Variants in RPS20 observed in about 807,000 individuals in gnomAD.
The protein encoded by RPS20 is ribosomal protein S20, also known as small ribosomal subunit protein uS10.
In RPS20, 3 loss-of-function variants were observed where a neutral mutation model predicts 15.3. That is an observed-to-expected ratio of 0.20 (90% confidence interval 0.09 to 0.51). RPS20 has a LOEUF of 0.51. Among genes scored for constraint, RPS20 ranks in the 20% least tolerant of loss-of-function variants. The pLI, the probability that RPS20 is intolerant of heterozygous loss-of-function variation, is 0.96. For missense variants in RPS20, 67 were observed against 145.9 expected, an observed-to-expected ratio of 0.46 and a Z score of 2.79; for synonymous variants, 62 against 47.8, an observed-to-expected ratio of 1.30 and a Z score of -1.23.
downstream of RPS20, among the ~76,000 whole-genome samples, chr8:56,070,008 G>A (rs1233466718): frequency 6.6e-6 from 1 of 152,164 alleles, no homozygotes; most frequent in Non-Finnish European, 1.5e-5. Flanking sequence ...TAGATTATAT[G>A]CAAATACTAT....
Position 56,074,454 on chromosome 8 carries a change from G to A in RPS20, c.-71C>T. 1 of 1,519,348 alleles carries A rather than the reference G, an allele frequency of 6.6e-7. No homozygotes were observed. Among genetic ancestry groups the A allele is most frequent in the Non-Finnish European group, 8.8e-7 (1 of 1,135,014 alleles). 94.1% of individuals were successfully genotyped at this position (1,519,348 alleles called of 1,614,324 possible). A position where few individuals can be genotyped will look rare whatever the true frequency, so the allele number is the denominator to read the frequency against. ...GCGAACAGCGGTGAGTCAGGAGCAGGAGCGTGCGGACCAAAAATCCTCAGC... is the reference window on the plus strand; with the variant it reads ...GCGAACAGCGGTGAGTCAGGAGCAGAAGCGTGCGGACCAAAAATCCTCAGC... On this transcript the variant is annotated 5_prime_UTR_variant, in exon 1 of 4. Coordinates refer to ENST00000009589, the MANE Select transcript of RPS20 (RefSeq NM_001023.4).
chr8:56,070,103 A>G (rs947427960), downstream of RPS20, among the ~76,000 whole-genome samples: 1 of 152,202 alleles, frequency 6.6e-6, no homozygotes, highest in South Asian at 2.1e-4. Flanking sequence ...TACTTAGGAA[A>G]CACTGTAATT....
At chr8:56,073,408 G>T in intron 3 of RPS20, 136 bp from the exon 4 acceptor site, 1 of 694,424 alleles carries the variant, frequency 1.4e-6, no homozygotes, top group Non-Finnish European at 2.4e-6. Context: ...AGATTTTCAG[G>T]TACCATGGGT....
rs1316438504 is a variant in RPS20, at chr8:56,073,709, G to C, written c.163C>G (p.Arg55Gly). 1 of 1,613,832 alleles carries C rather than the reference G, an allele frequency of 6.2e-7. No homozygotes were observed. The highest frequency in any genetic ancestry group is 1.3e-5 in the African/African-American group (1 of 75,028). ...EKNLKVKGPV[R>G]MPTKTLRITT... ...ATTTACTTTACCTTGGTAGGCATTC[G>C]AACTGGTCCTTTCACTTTGAGATTC... The change falls in exon 3 of 4, where the codon CGA (arginine) becomes GGA (glycine). Residue 55 changes from arginine to glycine, a missense_variant. Arg to Gly is a moderately radical substitution (Grantham distance 125, BLOSUM62 -2). Coordinates refer to ENST00000009589, the MANE Select transcript of RPS20 (RefSeq NM_001023.4).
At position 56,074,290 on chromosome 8, in the gene RPS20, G is replaced by A. The variant is rs762622840; in HGVS notation, c.3+91C>T. On this transcript the variant is annotated intron_variant, in intron 1 of 3. Transcript: ENST00000009589. ...CGCCTTTCCGCCCCTACACGCCCCGGCATCTGCCCTCAGGAGCACGAACTC... is the reference window on the plus strand; with the variant it reads ...CGCCTTTCCGCCCCTACACGCCCCGACATCTGCCCTCAGGAGCACGAACTC... 6 of 1,534,696 alleles carry A rather than the reference G, an allele frequency of 3.9e-6. No homozygotes were observed. In the East Asian group the frequency reaches 1.2e-4, roughly 30 times the overall value.
In RPS20 at chr8:56,074,477, A is replaced by C; in HGVS notation, c.-94T>G. ...AGGAGCGTGCGGACCAAAAATCCTC[A>C]GCCCTTACGACCGCGTCTTCCTCAA... On this transcript the variant is annotated 5_prime_UTR_variant, in exon 1 of 4. Coordinates refer to ENST00000009589, the MANE Select transcript of RPS20 (RefSeq NM_001023.4). 2.2e-6 allele frequency: 3 copies of C among 1,389,506 alleles called. No individual in the cohort carries two copies. Among genetic ancestry groups the C allele is most frequent in the Non-Finnish European group, 2.9e-6 (3 of 1,022,464 alleles). 86.1% of individuals were successfully genotyped at this position (1,389,506 alleles called of 1,614,324 possible).
chr8:56,073,884 G>A (rs1484725498), intron 2 of RPS20, 116 bp from the exon 3 acceptor site: 2 of 1,117,800 alleles, frequency 1.8e-6, no homozygotes, highest in Admixed American at 1.7e-5. Flanking sequence ...CAACACAATA[G>A]GTACCTCCTC....
downstream of RPS20, among the ~76,000 whole-genome samples, chr8:56,071,291 CAT>C (rs750944972): frequency 1.3e-4 from 20 of 152,310 alleles, no homozygotes; most frequent in East Asian, 3.9e-4. Context: ...GTTCTCAAGA[CAT>C]GTGTGCTCTA....
In RPS20 at chr8:56,074,490, G is replaced by C; in HGVS notation, c.-107C>G. ...CCAAAAATCCTCAGCCCTTACGACCGCGTCTTCCTCAAAAAGAAAGGGGTG... is the reference window on the plus strand; with the variant it reads ...CCAAAAATCCTCAGCCCTTACGACCCCGTCTTCCTCAAAAAGAAAGGGGTG... On this transcript the variant is annotated 5_prime_UTR_variant, in exon 1 of 4. Coordinates refer to ENST00000009589, the MANE Select transcript of RPS20 (RefSeq NM_001023.4). The C allele has an allele frequency of 3.2e-6, 4 of 1,260,698 alleles. No homozygotes were observed. Among genetic ancestry groups the C allele is most frequent in the African/African-American group, 1.5e-5 (1 of 66,566 alleles). 78.1% of individuals were successfully genotyped at this position (1,260,698 alleles called of 1,614,324 possible).
At chr8:56,072,999 G>A (rs79584175), downstream of RPS20, 224 of 1,514,084 alleles carry the variant, frequency 1.5e-4, 1 homozygote, top group East Asian at 4.3e-3. Context: ...AAGTCTCATA[G>A]TACACCTTTA....
intron 2 of RPS20, 73 bp from the exon 3 acceptor site, chr8:56,073,841 C>A: frequency 1.5e-6 from 2 of 1,352,604 alleles, no homozygotes; most frequent in Non-Finnish European, 1.1e-6. Flanking sequence ...CTTCTGCTGG[C>A]TCAGAATAGC....
Position 56,074,464 on chromosome 8 carries a change from A to C in RPS20, c.-81T>G, listed in dbSNP as rs1418363319. The stretch of plus-strand genomic sequence containing the variant: ...GTGAGTCAGGAGCAGGAGCGTGCGG[A>C]CCAAAAATCCTCAGCCCTTACGACC... On this transcript the variant is annotated 5_prime_UTR_variant, in exon 1 of 4. Transcript: ENST00000009589. 4 of 1,491,960 alleles carry C rather than the reference A, an allele frequency of 2.7e-6. No individual in the cohort carries two copies. Among genetic ancestry groups the C allele is most frequent in the Admixed American group, 2.1e-5 (1 of 48,740 alleles). 92.4% of individuals were successfully genotyped at this position (1,491,960 alleles called of 1,614,324 possible). A position where few individuals can be genotyped will look rare whatever the true frequency, so the allele number is the denominator to read the frequency against.
chr8:56,069,968 TC>T (rs1809707582), downstream of RPS20: 2 of 650,930 alleles, frequency 3.1e-6, no homozygotes, highest in East Asian at 5.5e-5. Flanking sequence ...TTACAAGTAA[TC>T]TAGAGATGAC....
chr8:56,072,907 A>G, downstream of RPS20: 1 of 1,356,688 alleles, frequency 7.4e-7, no homozygotes, highest in Non-Finnish European at 9.5e-7. Context: ...AGTTAACGGA[A>G]TCCAGTTTTC....
downstream of RPS20, chr8:56,069,857 A>G (rs1025029104): frequency 8.7e-6 from 11 of 1,266,114 alleles, no homozygotes; most frequent in Non-Finnish European, 1.1e-5. Flanking sequence ...GTATTCAGAA[A>G]AAAAATTGTC....
downstream of RPS20, among the ~76,000 whole-genome samples, chr8:56,068,780 A>AATATCTTTTTTTTTTT (rs1809676285): frequency 8.0e-6 from 1 of 125,410 alleles, no homozygotes; most frequent in African/African-American, 2.9e-5. Context: ...AAAATTAAAA[A>AATATCTTTTTTTTTTT]TTTCCATATT....
At chr8:56,071,028 T>G (rs1809739200), downstream of RPS20, among the ~76,000 whole-genome samples, 1 of 152,214 alleles carries the variant, frequency 6.6e-6, no homozygotes, top group African/African-American at 2.4e-5. Flanking sequence ...TTTTAAGTGT[T>G]TGAGAAATTG....
intron 3 of RPS20, 78 bp downstream of exon 3, chr8:56,073,617 G>T: frequency 1.6e-6 from 2 of 1,229,890 alleles, no homozygotes; most frequent in Non-Finnish European, 2.4e-6. Context: ...AATTTTGGCA[G>T]CCGAACTCCT....
At chr8:56,074,034 C>A (rs1184104989) in intron 2 of RPS20, 26 bp downstream of exon 2, 2 of 1,545,624 alleles carry the variant, frequency 1.3e-6, no homozygotes, top group Non-Finnish European at 1.8e-6. Flanking sequence ...AATTCCCCCT[C>A]CCCCCCGCAT....
Sources: gnomAD v4.1 joint callset for allele counts (sites outside exome capture counted in the v4.1 genomes callset) on GRCh38, gnomAD v4.1.1 for gene constraint, MANE v1.5 for transcripts, NCBI Gene and HGNC (gene_info 2026-07-23, HGNC 2026-07-21) for gene names.